The following FSCN1 variants were observed in gnomAD, a reference collection of about 807,000 sequenced individuals.
The protein encoded by FSCN1 is fascin.
Under a neutral mutation model 39.7 loss-of-function variants are expected in FSCN1, and 10 were observed. The ratio of observed to expected loss-of-function variants is 0.25; its 90% CI spans 0.16 to 0.43. The LOEUF (loss-of-function observed/expected upper bound fraction) is 0.43. Among genes scored for constraint, FSCN1 ranks in the 20% least tolerant of loss-of-function variants. The pLI, the probability that FSCN1 is intolerant of heterozygous loss-of-function variation, is 1.00. For missense variants in FSCN1, 525 were observed against 723.8 expected (o/e 0.73, Z 3.15); for synonymous variants, 322 against 320.0 (o/e 1.01, Z -0.07).
chr7:5,597,682 A>G (rs1326442875), intron 1 of FSCN1, among the ~76,000 whole-genome samples: 2 of 151,576 alleles, frequency 1.3e-5, no homozygotes, highest in African/African-American at 4.9e-5. Context: ...AACAAAACAA[A>G]ACAAAAAAAA....
rs1279855459 is a variant in FSCN1, at chr7:5,599,809, A to G, written c.833-3448A>G. On this transcript the variant is annotated intron_variant, in intron 1 of 4. Coordinates refer to ENST00000382361, the MANE Select transcript of FSCN1 (RefSeq NM_003088.4). The surrounding 1 kb of genome is among the most constrained non-coding windows in gnomAD (Gnocchi z 5.6). ...GCAACAGAGCAAGACCCTATCTCTA[A>G]AAAAAAAATGGAATTGAGGATGTGT... Among the ~76,000 whole-genome samples the G allele has an allele frequency of 6.6e-6, 1 of 150,600 alleles. No homozygotes were observed. Among genetic ancestry groups the G allele is most frequent in the Non-Finnish European group, 1.5e-5 (1 of 67,518 alleles).
In FSCN1 at chr7:5,593,435, C is replaced by T; in HGVS notation, c.499C>T (p.Arg167Cys). 2 of 1,612,062 alleles carry T rather than the reference C, an allele frequency of 1.2e-6. No homozygotes were observed. The highest frequency in any genetic ancestry group is 1.7e-6 in the Non-Finnish European group (2 of 1,179,746). Residue 167 changes from arginine to cysteine, a missense_variant, in exon 1 of 5, where the codon CGC (arginine) becomes TGC (cysteine). Around this residue, in one of 3 missense-constraint regions of FSCN1, gnomAD observed 246 missense variants for 350.6 expected, o/e 0.70. Transcript: ENST00000382361. The part of the protein sequence containing the change: ...ARPADEIAVD[R>C]DVPWGVDSLI... The stretch of plus-strand genomic sequence containing the variant: ...GCCGGCCGACGAGATCGCCGTGGAC[C>T]GCGACGTGCCCTGGGGCGTCGACTC...
In FSCN1 at chr7:5,594,055, C is replaced by CG. The variant is rs1192476717; in HGVS notation, c.832+287_832+288insG. 8 of 411,340 alleles carry CG rather than the reference C, an allele frequency of 1.9e-5. No individual in the cohort carries two copies. The South Asian group carries it at 3.2e-4, about 16-fold the overall frequency. The allele number at this position is 411,340 out of a possible 1,614,324, so 25.5% of individuals were successfully genotyped here. ...ACGTGCACCCTCCTAACCCCCCCCC[C>CG]CGCCCAATCTTGGCTCTCCCCACGC... On this transcript the variant is annotated intron_variant, in intron 1 of 4. Transcript: ENST00000382361.
intron 1 of FSCN1, among the ~76,000 whole-genome samples, chr7:5,600,554 G>A (rs1347165586): frequency 6.6e-6 from 1 of 151,458 alleles, no homozygotes; most frequent in Admixed American, 6.6e-5. Flanking sequence ...GTGCAGTGGC[G>A]GATCTCAGCT....
rs369636565 is a variant in FSCN1, at chr7:5,603,254, C to A, written c.833-3C>A. 3 of 1,611,674 alleles carry A rather than the reference C, an allele frequency of 1.9e-6. No individual in the cohort carries two copies. The highest frequency in any genetic ancestry group is 2.5e-6 in the Non-Finnish European group (3 of 1,179,868). On this transcript the variant is annotated splice_polypyrimidine_tract_variant and splice_region_variant and intron_variant, in intron 1 of 4. Transcript: ENST00000382361. This position sits in a 1 kb window ranked among gnomAD's most constrained non-coding sequence, Gnocchi z 8.5. ...GTACCAGCCCAAGGCCTCCTCTCTG[C>A]AGGTATGGACCTGTCTGCCAATCAG...
chr7:5,602,872 G>A (rs1204232676), intron 1 of FSCN1: 1 of 225,274 alleles, frequency 4.4e-6, no homozygotes, highest in Non-Finnish European at 8.9e-6. Flanking sequence ...ATTAAAAAAA[G>A]TAATTTGTAG....
At chr7:5,594,210 G>C (rs1180981723) in intron 1 of FSCN1, among the ~76,000 whole-genome samples, 1 of 152,202 alleles carries the variant, frequency 6.6e-6, no homozygotes, top group Non-Finnish European at 1.5e-5. Flanking sequence ...CACCCGCAAG[G>C]GCGCGCCTCC....
intron 1 of FSCN1, among the ~76,000 whole-genome samples, chr7:5,598,208 C>G (rs930684499): frequency 1.3e-5 from 2 of 152,226 alleles, no homozygotes; most frequent in African/African-American, 4.8e-5. Flanking sequence ...AGGGAAGGCA[C>G]TCATCCAAGG....
In FSCN1 at chr7:5,605,612, G is replaced by C. The variant is rs1225098813; in HGVS notation, c.*138G>C. The C allele has an allele frequency of 4.5e-6, 3 of 671,004 alleles. No homozygotes were observed. The highest frequency in any genetic ancestry group is 2.5e-6 in the Non-Finnish European group (1 of 401,928). 41.6% of individuals were successfully genotyped at this position (671,004 alleles called of 1,614,324 possible). On this transcript the variant is annotated 3_prime_UTR_variant, in exon 5 of 5. Transcript: ENST00000382361. This position sits in a 1 kb window ranked among gnomAD's most constrained non-coding sequence, Gnocchi z 6.9. The stretch of plus-strand genomic sequence containing the variant: ...TCAAACTGGAAACCCCAGAGAAAAC[G>C]GTGCCCCCACCTGTCGCCCCTATGG...
rs1410813375 is a variant in FSCN1 at position 5,599,111 on chromosome 7, G to A, written c.833-4146G>A. Among the ~76,000 whole-genome samples the A allele has an allele frequency of 1.3e-4, 5 of 37,558 alleles. No homozygotes were observed. The highest frequency in any genetic ancestry group is 2.0e-4 in the Non-Finnish European group (4 of 19,940). 24.6% of individuals were successfully genotyped at this position (37,558 alleles called of 152,430 possible). On this transcript the variant is annotated intron_variant, in intron 1 of 4. Transcript: ENST00000382361. This position sits in a 1 kb window ranked among gnomAD's most constrained non-coding sequence, Gnocchi z 5.6. ...GTTCCCTGGGGTGTGGCCTTAGGAT[G>A]GTCCCGGCACCCTGGGACCCAGCCC...
Position 5,592,851 on chromosome 7 carries a change from A to G in FSCN1, c.-86A>G, listed in dbSNP as rs1158177919. On this transcript the variant is annotated 5_prime_UTR_variant, in exon 1 of 5. Transcript: ENST00000382361. The surrounding 1 kb of genome is among the most constrained non-coding windows in gnomAD (Gnocchi z 5.3). Reference sequence around the variant, plus strand: ...GCGGAGGGTGCGTGCGGGCCGCGGCAGCCGAACAAAGGAGCAGGGGCGCCG... The same window carrying G: ...GCGGAGGGTGCGTGCGGGCCGCGGCGGCCGAACAAAGGAGCAGGGGCGCCG... 4 of 761,770 alleles carry G rather than the reference A, an allele frequency of 5.3e-6. No homozygotes were observed. The highest frequency in any genetic ancestry group is 8.2e-6 in the Non-Finnish European group (4 of 485,824). 47.2% of individuals were successfully genotyped at this position (761,770 alleles called of 1,614,324 possible).
Position 5,605,789 on chromosome 7 carries a change from C to A in FSCN1, c.*315C>A, listed in dbSNP as rs1162643779. ...TCTTCTGACCTCAGACGGCTCTGAGCCTTATTTCTCTGGAAGCGGCTAAGG... is the reference window on the plus strand; with the variant it reads ...TCTTCTGACCTCAGACGGCTCTGAGACTTATTTCTCTGGAAGCGGCTAAGG... On this transcript the variant is annotated 3_prime_UTR_variant, in exon 5 of 5. Transcript: ENST00000382361. This position sits in a 1 kb window ranked among gnomAD's most constrained non-coding sequence, Gnocchi z 6.9. The A allele has an allele frequency of 3.5e-6, 1 of 289,786 alleles. No homozygotes were observed. The highest frequency in any genetic ancestry group is 2.2e-5 in the African/African-American group (1 of 45,858). The allele number at this position is 289,786 out of a possible 1,614,324, so 18.0% of individuals were successfully genotyped here.
Position 5,603,855 on chromosome 7 carries a change from T to G in FSCN1, c.1112-8T>G, listed in dbSNP as rs763547291. 1.2e-6 allele frequency: 2 copies of G among 1,610,358 alleles called. No homozygotes were observed. The highest frequency in any genetic ancestry group is 8.5e-7 in the Non-Finnish European group (1 of 1,177,448). On this transcript the variant is annotated splice_region_variant and splice_polypyrimidine_tract_variant and intron_variant, in intron 3 of 4. Transcript: ENST00000382361. This position sits in a 1 kb window ranked among gnomAD's most constrained non-coding sequence, Gnocchi z 8.5. The stretch of plus-strand genomic sequence containing the variant: ...GGAGGCTCACTGACTCCCCTCTTTC[T>G]GGGACAGGGGACTCAGAGCTCTTCC...
At chr7:5,604,620 C>T (rs1043418584) in intron 4 of FSCN1, among the ~76,000 whole-genome samples, 2 of 151,686 alleles carry the variant, frequency 1.3e-5, no homozygotes, top group South Asian at 2.1e-4. Flanking sequence ...AGGTGTGCAC[C>T]ACCACGCCTG....
At position 5,599,648 on chromosome 7, in the gene FSCN1, A is replaced by G. The variant is rs1785792525; in HGVS notation, c.833-3609A>G. Among the ~76,000 whole-genome samples the G allele has an allele frequency of 6.6e-6, 1 of 151,936 alleles. No individual in the cohort carries two copies. Among genetic ancestry groups the G allele is most frequent in the South Asian group, 2.1e-4 (1 of 4,824 alleles). On this transcript the variant is annotated intron_variant, in intron 1 of 4. Coordinates refer to ENST00000382361, the MANE Select transcript of FSCN1 (RefSeq NM_003088.4). The surrounding 1 kb of genome is among the most constrained non-coding windows in gnomAD (Gnocchi z 5.6). Reference sequence around the variant, plus strand: ...AGACCACCCCCATCTCTACAAAATAATGTTAAAGTTAGCCAGGTGTAGTGG... The same window carrying G: ...AGACCACCCCCATCTCTACAAAATAGTGTTAAAGTTAGCCAGGTGTAGTGG...
intron 1 of FSCN1, among the ~76,000 whole-genome samples, chr7:5,596,885 A>G (rs1785739828): frequency 6.6e-6 from 1 of 152,168 alleles, no homozygotes; most frequent in South Asian, 2.1e-4. Context: ...CGGGGTGGTA[A>G]GGTGAAGCCA....
intron 1 of FSCN1, among the ~76,000 whole-genome samples, chr7:5,598,683 G>A (rs1785773109): frequency 1.3e-5 from 2 of 152,206 alleles, no homozygotes; most frequent in African/African-American, 4.8e-5. Context: ...TGGGGAACCT[G>A]GAGCCCCTGA....
intron 4 of FSCN1, 148 bp downstream of exon 4, chr7:5,604,178 C>T (rs1163811802): frequency 4.3e-6 from 3 of 700,532 alleles, no homozygotes; most frequent in South Asian, 3.8e-5. Flanking sequence ...GTCTGATGGC[C>T]ACCAGGGGCT....
Position 5,606,344 on chromosome 7 carries a change from C to G in FSCN1, c.*870C>G, listed in dbSNP as rs1284840214. On this transcript the variant is annotated 3_prime_UTR_variant, in exon 5 of 5. Coordinates refer to ENST00000382361, the MANE Select transcript of FSCN1 (RefSeq NM_003088.4). The surrounding 1 kb of genome is among the most constrained non-coding windows in gnomAD (Gnocchi z 5.1). Reference sequence around the variant, plus strand: ...CCTCCCCAGGGGGTGCATCTCAGCCCCCTCTTTCCGTCCTTCCCGTCCAGC... The same window carrying G: ...CCTCCCCAGGGGGTGCATCTCAGCCGCCTCTTTCCGTCCTTCCCGTCCAGC... 1 of 152,082 alleles carries G rather than the reference C, an allele frequency of 6.6e-6. No individual in the cohort carries two copies. Among genetic ancestry groups the G allele is most frequent in the East Asian group, 1.9e-4 (1 of 5,138 alleles). The allele number at this position is 152,082 out of a possible 1,614,324, so 9.4% of individuals were successfully genotyped here. A position where few individuals can be genotyped will look rare whatever the true frequency, so the allele number is the denominator to read the frequency against.
Sources: gnomAD v4.1 joint callset for allele counts (sites outside exome capture counted in the v4.1 genomes callset) on GRCh38, gnomAD v4.1.1 for gene constraint, gnomAD v4.1.1 regional missense constraint, Gnocchi (gnomAD v3.1) non-coding constraint, MANE v1.5 for transcripts, NCBI Gene and HGNC (gene_info 2026-07-23, HGNC 2026-07-21) for gene names.